The following AKAP19 variants were observed in gnomAD, a reference collection of about 807,000 sequenced individuals.
The protein encoded by AKAP19 is A-kinase anchoring protein 19.
the AKAP19 span, among the ~76,000 whole-genome samples, chr2:190,058,183 C>T: frequency 2.9e-4 from 44 of 152,060 alleles, no homozygotes; most frequent in East Asian, 4.1e-3. Flanking sequence ...ATGATATTTC[C>T]TTTATTCTTT....
At chr2:190,180,398 C>T in the AKAP19 span, 39 of 902,304 alleles carry the variant, frequency 4.3e-5, no homozygotes, top group Non-Finnish European at 4.9e-5. This position sits in a 1 kb window ranked among gnomAD's most constrained non-coding sequence, Gnocchi z 6.8. Context: ...CGCCCCCTCT[C>T]ACCAGGGCGG....
At chr2:189,996,271 G>T in the AKAP19 span, among the ~76,000 whole-genome samples, 9 of 152,210 alleles carry the variant, frequency 5.9e-5, no homozygotes, top group Non-Finnish European at 1.0e-4. Flanking sequence ...CCCAATTTTT[G>T]GGGGAGCTTT....
the AKAP19 span, among the ~76,000 whole-genome samples, chr2:189,988,716 G>A: frequency 6.6e-6 from 1 of 152,284 alleles, no homozygotes; most frequent in African/African-American, 2.4e-5. Flanking sequence ...TTCCACAAAA[G>A]ACTGACTCTC....
the AKAP19 span, among the ~76,000 whole-genome samples, chr2:189,948,997 A>C: frequency 1.3e-5 from 2 of 152,090 alleles, no homozygotes; most frequent in Admixed American, 6.6e-5. Flanking sequence ...AAACGCTTAA[A>C]GTACTTTGAA....
the AKAP19 span, among the ~76,000 whole-genome samples, chr2:189,902,516 C>T: frequency 3.9e-5 from 6 of 151,924 alleles, no homozygotes; most frequent in African/African-American, 1.2e-4. Flanking sequence ...TTCTAAGCTG[C>T]ATAATTAGAA....
the AKAP19 span, among the ~76,000 whole-genome samples, chr2:190,110,620 A>T: frequency 6.6e-6 from 1 of 152,186 alleles, no homozygotes; most frequent in Non-Finnish European, 1.5e-5. Context: ...TGGTAAGAAA[A>T]CTTAGCCATT....
At chr2:190,163,730 AG>A in the AKAP19 span, among the ~76,000 whole-genome samples, 1 of 152,206 alleles carries the variant, frequency 6.6e-6, no homozygotes, top group African/African-American at 2.4e-5. Context: ...GTAGGAAGAT[AG>A]GGGAAAGATC....
the AKAP19 span, among the ~76,000 whole-genome samples, chr2:190,072,470 A>C: frequency 3.3e-5 from 5 of 152,250 alleles, no homozygotes; most frequent in African/African-American, 1.2e-4. Context: ...TGGATCAAAC[A>C]GTTGAAAATT....
At chr2:190,135,175 T>C in the AKAP19 span, among the ~76,000 whole-genome samples, 1 of 152,172 alleles carries the variant, frequency 6.6e-6, no homozygotes, top group East Asian at 1.9e-4. Context: ...TAGATTTTTT[T>C]CCCAGTAACT....
At chr2:190,039,072 C>CT in the AKAP19 span, among the ~76,000 whole-genome samples, 3 of 139,270 alleles carry the variant, frequency 2.2e-5, no homozygotes, top group South Asian at 7.1e-4. Flanking sequence ...TCTTCCTCTT[C>CT]TTTTTTTGTT....
the AKAP19 span, among the ~76,000 whole-genome samples, chr2:190,045,378 C>T: frequency 6.6e-5 from 10 of 152,054 alleles, no homozygotes; most frequent in Non-Finnish European, 1.3e-4. Flanking sequence ...GAAGCACCGT[C>T]CCAGGGGGAT....
chr2:189,932,577 C>G, the AKAP19 span, among the ~76,000 whole-genome samples: 1 of 151,782 alleles, frequency 6.6e-6, no homozygotes, highest in Non-Finnish European at 1.5e-5. Flanking sequence ...GGAACTCGTG[C>G]ACCTTTAGTC....
chr2:190,132,007 T>C, the AKAP19 span, among the ~76,000 whole-genome samples: 1 of 152,110 alleles, frequency 6.6e-6, no homozygotes, highest in Non-Finnish European at 1.5e-5. Context: ...TAGATAATTA[T>C]AGCATTTCTT....
the AKAP19 span, among the ~76,000 whole-genome samples, chr2:189,928,567 G>T: frequency 8.5e-5 from 13 of 152,066 alleles, no homozygotes; most frequent in African/African-American, 3.1e-4. Context: ...ATTTAAGCAA[G>T]ATACATGTAA....
chr2:189,908,935 C>T, the AKAP19 span, among the ~76,000 whole-genome samples: 14 of 152,090 alleles, frequency 9.2e-5, no homozygotes, highest in African/African-American at 3.1e-4. Context: ...GATGACCTAT[C>T]CATTCTTAAA....
At chr2:190,186,054 C>G in the AKAP19 span, among the ~76,000 whole-genome samples, 1 of 152,098 alleles carries the variant, frequency 6.6e-6, no homozygotes, top group African/African-American at 2.4e-5. This position sits in a 1 kb window ranked among gnomAD's most constrained non-coding sequence, Gnocchi z 5.5. Flanking sequence ...CAGGTTCAAA[C>G]GATTCTGCTG....
At chr2:189,956,607 C>A in the AKAP19 span, among the ~76,000 whole-genome samples, 1 of 152,094 alleles carries the variant, frequency 6.6e-6, no homozygotes, top group East Asian at 1.9e-4. Flanking sequence ...GAGATAGGGT[C>A]TCACTCTGTT....
chr2:190,189,323 T>C, the AKAP19 span, among the ~76,000 whole-genome samples: 1 of 152,216 alleles, frequency 6.6e-6, no homozygotes. Context: ...GGAGCACTTT[T>C]ATTCCAAGAA....
At chr2:189,936,104 T>C in the AKAP19 span, among the ~76,000 whole-genome samples, 1 of 152,166 alleles carries the variant, frequency 6.6e-6, no homozygotes, top group East Asian at 1.9e-4. Flanking sequence ...AAATTTAAAA[T>C]GAGAATTAGA....
Sources: allele counts gnomAD v4.1 joint callset (sites outside exome capture counted in the v4.1 genomes callset), GRCh38; gene constraint gnomAD v4.1.1; non-coding constraint Gnocchi (gnomAD v3.1); transcripts MANE v1.5; gene names NCBI Gene and HGNC (gene_info 2026-07-23, HGNC 2026-07-21).